Variants in USP20 observed in about 807,000 individuals in gnomAD.
USP20 encodes ubiquitin carboxyl-terminal hydrolase 20.
A neutral mutation model predicts 124.2 loss-of-function variants in USP20; 80 were observed. That is an observed-to-expected ratio of 0.64 (90% CI 0.54 to 0.78). The LOEUF is 0.78. Among genes scored for constraint, USP20 ranks in the 30% least tolerant of loss-of-function variants. The pLI, the probability that USP20 is intolerant of heterozygous loss-of-function variation, is 0.00. For missense variants in USP20, 1,043 were observed against 1,244.4 expected, an observed-to-expected ratio of 0.84 and a Z score of 2.44; for synonymous variants, 481 against 512.3, an observed-to-expected ratio of 0.94 and a Z score of 0.83.
rs554026281 is a variant in USP20, at chr9:129,868,423, G to A, written c.1109G>A (p.Arg370Gln). The change falls in exon 11 of 26, where the codon CGG (arginine) becomes CAG (glutamine). Residue 370 changes from arginine to glutamine, a missense_variant. Coordinates refer to ENST00000372429, the MANE Select transcript of USP20 (RefSeq NM_001110303.4). ...QPAEAQPPSP[R>Q]SSSPCRTPEP... is the part of the protein sequence containing the mutation. Reference sequence around the variant, plus strand: ...GCGGAGGCCCAGCCCCCGTCACCACGGTCCTCCAGCCCCTGCCGGACGCCA... The same window carrying A: ...GCGGAGGCCCAGCCCCCGTCACCACAGTCCTCCAGCCCCTGCCGGACGCCA... The A allele has an allele frequency of 3.8e-5, 62 of 1,611,416 alleles. No individual in the cohort carries two copies. Among genetic ancestry groups the A allele is most frequent in the Admixed American group, 1.8e-4 (11 of 59,956 alleles).
intron 6 of USP20, among the ~76,000 whole-genome samples, chr9:129,859,517 G>A (rs990316564): frequency 2.0e-5 from 3 of 151,552 alleles, no homozygotes; most frequent in African/African-American, 7.3e-5. Context: ...CAAGTGATCC[G>A]CCTGCCTTGG....
At chr9:129,865,486 G>T (rs981480356) in intron 10 of USP20, 105 bp downstream of exon 10, 5 of 1,239,030 alleles carry the variant, frequency 4.0e-6, no homozygotes, top group Non-Finnish European at 5.9e-6. Flanking sequence ...CTGAGCACTG[G>T]TTGGCAGGTC....
At chr9:129,848,238 GT>G (rs2032700469) in intron 1 of USP20, among the ~76,000 whole-genome samples, 1 of 152,090 alleles carries the variant, frequency 6.6e-6, no homozygotes, top group African/African-American at 2.4e-5. Flanking sequence ...GGAGGTTGCG[GT>G]GAGCTGAGAT....
At chr9:129,846,466 C>T (rs1338917749) in intron 1 of USP20, among the ~76,000 whole-genome samples, 1 of 150,092 alleles carries the variant, frequency 6.7e-6, no homozygotes, top group African/African-American at 2.5e-5. Flanking sequence ...CCATGTTGCC[C>T]AGGCTGATCT....
Position 129,869,402 on chromosome 9 carries a change from G to A in USP20, c.1369G>A (p.Val457Met), listed in dbSNP as rs781493140. Residue 457 changes from valine to methionine, a missense_variant, in exon 13 of 26, where the codon GTG becomes ATG. By Grantham distance (21) the Val-to-Met change is conservative. Coordinates refer to ENST00000372429, the MANE Select transcript of USP20 (RefSeq NM_001110303.4). The part of the protein sequence containing the change: ...DIFDGSILSL[V>M]QCLTCDRVST... ...CTTTGACGGCTCCATTCTCAGCCTT[G>A]TGCAGTGTCTCACCTGTGACCGGGT... 14 of 1,613,488 alleles carry A rather than the reference G, an allele frequency of 8.7e-6. No individual in the cohort carries two copies. Among genetic ancestry groups the A allele is most frequent in the East Asian group, 4.5e-5 (2 of 44,880 alleles).
In USP20 at chr9:129,876,191, G is replaced by A. The variant is rs756856174; in HGVS notation, c.2362G>A (p.Glu788Lys). 21 of 1,609,388 alleles carry A rather than the reference G, an allele frequency of 1.3e-5. No homozygotes were observed. Among genetic ancestry groups the A allele is most frequent in the South Asian group, 6.6e-5 (6 of 90,624 alleles). Residue 788 changes from glutamate to lysine, a missense_variant, in exon 22 of 26, where the codon GAG becomes AAG. By Grantham distance (56) the Glu-to-Lys change is moderately conservative (BLOSUM62 1). Coordinates refer to ENST00000372429, the MANE Select transcript of USP20 (RefSeq NM_001110303.4). Reference sequence around the variant, plus strand: ...GTGCTCCATCTGCCAGGTGGAGATCGAGGCACTGGCCAAGCGCAGGAGGAT... The same window carrying A: ...GTGCTCCATCTGCCAGGTGGAGATCAAGGCACTGGCCAAGCGCAGGAGGAT... ...YVCSICQVEI[E>K]ALAKRRRIEI...
In USP20 at chr9:129,878,353, C is replaced by T; in HGVS notation, c.2425C>T (p.Gln809Ter). The T allele has an allele frequency of 6.3e-7, 1 of 1,596,532 alleles. No individual in the cohort carries two copies. The highest frequency in any genetic ancestry group is 8.5e-7 in the Non-Finnish European group (1 of 1,171,638). The change falls in exon 23 of 26, where the codon CAG (glutamine) becomes TAG (stop). Residue 809 changes from glutamine to a stop codon, truncating the protein, a stop_gained. Transcript: ENST00000372429. LOFTEE classifies it high-confidence loss of function. The part of the protein sequence containing the change: ...DTFIKLNKAF[Q>*]AEESPGVIYC... ...CGCCTGCCAGTTGAACAAGGCCTTC[C>T]AGGCCGAGGAGTCGCCGGGCGTCAT...
At chr9:129,837,031 T>C (rs1038864436) in intron 1 of USP20, among the ~76,000 whole-genome samples, 3 of 152,128 alleles carry the variant, frequency 2.0e-5, no homozygotes, top group Non-Finnish European at 4.4e-5. Flanking sequence ...AGTCCCAGGG[T>C]ACAGATGAGC....
In USP20 at chr9:129,880,808, G is replaced by C. The variant is rs1462353692; in HGVS notation, c.*358G>C. 1 of 159,058 alleles carries C rather than the reference G, an allele frequency of 6.3e-6. No individual in the cohort carries two copies. The highest frequency in any genetic ancestry group is 1.4e-5 in the Non-Finnish European group (1 of 71,462). 9.9% of individuals were successfully genotyped at this position (159,058 alleles called of 1,614,324 possible). The stretch of plus-strand genomic sequence containing the variant: ...AGTCAGGGAGTAGCTGCTGCTTCAC[G>C]GCGTCTCCACTGTGCGATTGGCCCG... On this transcript the variant is annotated 3_prime_UTR_variant, in exon 26 of 26. Transcript: ENST00000372429.
At chr9:129,838,289 G>A (rs567757597) in intron 1 of USP20, among the ~76,000 whole-genome samples, 3 of 152,046 alleles carry the variant, frequency 2.0e-5, no homozygotes, top group South Asian at 2.1e-4. Context: ...TGATCCGCCC[G>A]CCTCAGCCTC....
rs2034603139 is a variant in USP20 at position 129,880,669 on chromosome 9, G to A, written c.*219G>A. The stretch of plus-strand genomic sequence containing the variant: ...GGGTCTTTGTCCTGGCAGTGCCTCT[G>A]CCAGTCACTGTCATCGTTGTGTCCC... On this transcript the variant is annotated 3_prime_UTR_variant, in exon 26 of 26. Transcript: ENST00000372429. The A allele has an allele frequency of 5.3e-6, 1 of 190,054 alleles. No individual in the cohort carries two copies. Among genetic ancestry groups the A allele is most frequent in the African/African-American group, 2.3e-5 (1 of 43,468 alleles). 11.8% of individuals were successfully genotyped at this position (190,054 alleles called of 1,614,324 possible).
At chr9:129,847,547 C>T (rs551232512) in intron 1 of USP20, among the ~76,000 whole-genome samples, 5 of 151,880 alleles carry the variant, frequency 3.3e-5, no homozygotes, top group Admixed American at 6.6e-5. Flanking sequence ...ATGATCCGCC[C>T]GCCTCAGCCT....
At chr9:129,862,139 T>C (rs2033579268) in intron 8 of USP20, among the ~76,000 whole-genome samples, 1 of 151,872 alleles carries the variant, frequency 6.6e-6, no homozygotes, top group African/African-American at 2.4e-5. Context: ...GCAGTATATG[T>C]ATGCGGGAAG....
chr9:129,864,316 A>G (rs2033711942), intron 9 of USP20, among the ~76,000 whole-genome samples: 1 of 151,536 alleles, frequency 6.6e-6, no homozygotes. Flanking sequence ...AAAAACTACA[A>G]AATTAGCTGA....
rs1485507385 is a variant in USP20, at chr9:129,877,403, C to G, written c.2410-935C>G. Among the ~76,000 whole-genome samples, 4 of 152,128 alleles carry G rather than the reference C, an allele frequency of 2.6e-5. No homozygotes were observed. In the East Asian group the frequency reaches 7.7e-4, roughly 29 times the overall value. On this transcript the variant is annotated intron_variant, in intron 22 of 25. Transcript: ENST00000372429. The stretch of plus-strand genomic sequence containing the variant: ...GCATGGTGATGTGTACCTGTAGTCC[C>G]CGCTACCTGGAGGGCTGAGTGAGTT...
intron 6 of USP20, among the ~76,000 whole-genome samples, 169 bp downstream of exon 6, chr9:129,858,767 T>A (rs1326710565): frequency 6.6e-6 from 1 of 152,184 alleles, no homozygotes; most frequent in African/African-American, 2.4e-5. Flanking sequence ...ACATGCTCAC[T>A]GAGCCCAACT....
chr9:129,853,898 G>A (rs543769117), intron 3 of USP20, among the ~76,000 whole-genome samples: 8 of 152,184 alleles, frequency 5.3e-5, no homozygotes, highest in African/African-American at 1.9e-4. Flanking sequence ...GGGCTTGTCT[G>A]GGGTGCTCTG....
chr9:129,856,853 GAC>G (rs1467974225), intron 4 of USP20, among the ~76,000 whole-genome samples: 1 of 152,202 alleles, frequency 6.6e-6, no homozygotes, highest in Non-Finnish European at 1.5e-5. Context: ...CTGGCCAGGA[GAC>G]AGTGTCCGGG....
intron 7 of USP20, 140 bp from the exon 8 acceptor site, chr9:129,861,403 G>A (rs944918146): frequency 2.7e-6 from 2 of 739,286 alleles, no homozygotes; most frequent in Non-Finnish European, 4.7e-6. Context: ...GAAGATTCCT[G>A]GGGTGGAACG....
Sources: gnomAD v4.1 joint callset for allele counts (sites outside exome capture counted in the v4.1 genomes callset) on GRCh38, gnomAD v4.1.1 for gene constraint, MANE v1.5 for transcripts, NCBI Gene and HGNC (gene_info 2026-07-23, HGNC 2026-07-21) for gene names.